ITGAV: variants seen among roughly 807,000 people sequenced by gnomAD.
The protein encoded by ITGAV is integrin subunit alpha V, also known as integrin alpha-V.
A neutral mutation model predicts 143.8 loss-of-function variants in ITGAV; 76 were observed. The ratio of observed to expected loss-of-function variants is 0.53; its 90% CI spans 0.44 to 0.64. The LOEUF (loss-of-function observed/expected upper bound fraction) is 0.64, where lower values mean the gene tolerates loss of function less well. Ranked by LOEUF, ITGAV falls within the 30% of genes least tolerant of loss-of-function variation. The pLI is 0.00. For synonymous variants in ITGAV, 453 were observed against 446.7 expected, an observed-to-expected ratio of 1.01 and a Z score of -0.18; for missense variants, 1,193 against 1,274.7, an observed-to-expected ratio of 0.94 and a Z score of 0.98.
At chr2:186,610,450 A>G (rs1013775425) in intron 2 of ITGAV, among the ~76,000 whole-genome samples, 3 of 152,202 alleles carry the variant, frequency 2.0e-5, no homozygotes, top group Non-Finnish European at 4.4e-5. Flanking sequence ...GATAGAATGT[A>G]TAAACAAAGC....
intron 3 of ITGAV, among the ~76,000 whole-genome samples, chr2:186,623,872 A>C (rs958153463): frequency 6.6e-6 from 1 of 152,044 alleles, no homozygotes; most frequent in Non-Finnish European, 1.5e-5. Context: ...AGCCACCATC[A>C]TTACCCCCTT....
intron 7 of ITGAV, 90 bp downstream of exon 7, chr2:186,636,297 T>A: frequency 9.7e-7 from 1 of 1,026,394 alleles, no homozygotes; most frequent in Non-Finnish European, 1.4e-6. Flanking sequence ...AAATATTTTA[T>A]GTGAAATAGA....
chr2:186,672,145 G>T (rs1382690369), intron 26 of ITGAV, among the ~76,000 whole-genome samples: 1 of 151,698 alleles, frequency 6.6e-6, no homozygotes, highest in Non-Finnish European at 1.5e-5. Context: ...GTAGAGACGG[G>T]GTTTCACCAT....
intron 17 of ITGAV, among the ~76,000 whole-genome samples, chr2:186,658,401 T>C (rs1283663403): frequency 6.6e-6 from 1 of 152,144 alleles, no homozygotes; most frequent in Non-Finnish European, 1.5e-5. Context: ...CGGACGGCAG[T>C]GTGAATTGTT....
Position 186,675,675 on chromosome 2 carries a change from C to T in ITGAV, c.2778C>T (p.Ile926=). The change falls in exon 27 of 30, where the codon ATC becomes ATT. Residue 926 remains isoleucine, a synonymous_variant. Coordinates refer to ENST00000261023, the MANE Select transcript of ITGAV (RefSeq NM_002210.5). ...VGRLDRGKSA[I]LYVKSLLWTE... Reference sequence around the variant, plus strand: ...GATTAGACAGAGGAAAGAGTGCAATCTTGTACGTAAAGTCATTACTGTGGA... The same window carrying T: ...GATTAGACAGAGGAAAGAGTGCAATTTTGTACGTAAAGTCATTACTGTGGA... 6.2e-7 allele frequency: 1 copy of T among 1,613,834 alleles called. No homozygotes were observed. The highest frequency in any genetic ancestry group is 8.5e-7 in the Non-Finnish European group (1 of 1,179,838).
chr2:186,635,018 CATAAATAGGAATAATA>C (rs1208100089), intron 6 of ITGAV, among the ~76,000 whole-genome samples: 1 of 150,938 alleles, frequency 6.6e-6, no homozygotes, highest in Admixed American at 6.6e-5. Context: ...ATGGGTATTG[CATAAATAGGAATAATA>C]ATAAATAGGA....
intron 15 of ITGAV, among the ~76,000 whole-genome samples, chr2:186,654,066 T>C (rs1306689206): frequency 6.6e-6 from 1 of 152,026 alleles, no homozygotes. Flanking sequence ...CTAGGCACAG[T>C]GGCTCACTGT....
At chr2:186,634,599 T>TA (rs1559051774) in intron 6 of ITGAV, among the ~76,000 whole-genome samples, 2 of 151,804 alleles carry the variant, frequency 1.3e-5, no homozygotes, top group African/African-American at 4.8e-5. Flanking sequence ...AAGGAGGGAA[T>TA]AAAAAAATAG....
At chr2:186,609,112 T>G (rs1687145145) in intron 2 of ITGAV, among the ~76,000 whole-genome samples, 1 of 152,166 alleles carries the variant, frequency 6.6e-6, no homozygotes, top group African/African-American at 2.4e-5. Context: ...ATTATGAGCT[T>G]GTAGAGGGAA....
At chr2:186,653,225 T>A (rs536932639) in intron 15 of ITGAV, among the ~76,000 whole-genome samples, 3 of 152,240 alleles carry the variant, frequency 2.0e-5, no homozygotes, top group Admixed American at 1.3e-4. Flanking sequence ...TTATAGATAT[T>A]TTTTTAAGTT....
rs1559074212 is a variant in ITGAV at position 186,680,649 on chromosome 2, C to A, written c.*3357C>A. The stretch of plus-strand genomic sequence containing the variant: ...CAGGCTGGAAATGAATTATTCTTTA[C>A]CAGTTTTGAAACACTTTGAAATATC... On this transcript the variant is annotated 3_prime_UTR_variant, in exon 30 of 30. Transcript: ENST00000261023. 6.6e-6 allele frequency: 1 copy of A among 152,546 alleles called. No homozygotes were observed. The highest frequency in any genetic ancestry group is 2.4e-5 in the African/African-American group (1 of 41,442). 9.4% of individuals were successfully genotyped at this position (152,546 alleles called of 1,614,324 possible).
intron 5 of ITGAV, among the ~76,000 whole-genome samples, chr2:186,632,430 A>G (rs1285016220): frequency 6.6e-6 from 1 of 152,022 alleles, no homozygotes; most frequent in Non-Finnish European, 1.5e-5. Flanking sequence ...TCTTTTACGT[A>G]GCCAAGGCAA....
At position 186,638,965 on chromosome 2, in the gene ITGAV, T is replaced by C. The variant is rs144896293; in HGVS notation, c.903+500T>C. Among the ~76,000 whole-genome samples the C allele has an allele frequency of 5.6e-4, 85 of 151,608 alleles. No individual in the cohort carries two copies. The East Asian group carries it at 0.015, about 27-fold the overall frequency. On this transcript the variant is annotated intron_variant, in intron 10 of 29. Transcript: ENST00000261023. ...AAACCACAAAGACTTCCTTTTTCTT[T>C]ACTGAAAAGAAAAAAGAGAAAAGAA...
intron 18 of ITGAV, among the ~76,000 whole-genome samples, chr2:186,659,633 A>G (rs529273073): frequency 4.3e-4 from 66 of 151,986 alleles, no homozygotes; most frequent in African/African-American, 1.4e-3. Flanking sequence ...TCTTATGTGT[A>G]ATGTATTTAA....
intron 4 of ITGAV, among the ~76,000 whole-genome samples, chr2:186,625,988 A>G (rs568585659): frequency 1.3e-5 from 2 of 152,294 alleles, no homozygotes; most frequent in East Asian, 1.9e-4. Context: ...AACAGACTCT[A>G]CAAGGCAATT....
intron 1 of ITGAV, among the ~76,000 whole-genome samples, chr2:186,594,257 A>G (rs1686688759): frequency 1.3e-5 from 2 of 152,168 alleles, no homozygotes; most frequent in Non-Finnish European, 1.5e-5. Context: ...AGTCTTCACC[A>G]AGAGATGTTA....
chr2:186,668,380 C>T (rs1559068271), intron 24 of ITGAV: 1 of 221,096 alleles, frequency 4.5e-6, no homozygotes, highest in Non-Finnish European at 8.8e-6. Context: ...TGTGCACCAC[C>T]ATGCCCGGCT....
intron 13 of ITGAV, among the ~76,000 whole-genome samples, chr2:186,649,262 T>C (rs1164906175): frequency 6.6e-6 from 1 of 151,898 alleles, no homozygotes; most frequent in Non-Finnish European, 1.5e-5. Flanking sequence ...TTATTTAATC[T>C]GTTTTTATTT....
At chr2:186,672,113 G>A (rs1012790434) in intron 26 of ITGAV, among the ~76,000 whole-genome samples, 2 of 151,700 alleles carry the variant, frequency 1.3e-5, no homozygotes, top group South Asian at 2.1e-4. Flanking sequence ...CACCACACCC[G>A]GCTAATTTTT....
Sources: gnomAD v4.1 joint callset for allele counts (sites outside exome capture counted in the v4.1 genomes callset) on GRCh38, gnomAD v4.1.1 for gene constraint, MANE v1.5 for transcripts, NCBI Gene and HGNC (gene_info 2026-07-23, HGNC 2026-07-21) for gene names.